Variants in CSMD3 observed in about 807,000 individuals in gnomAD.
CSMD3 encodes CUB and Sushi multiple domains 3.
A neutral mutation model predicts 435.2 loss-of-function variants in CSMD3; 177 were observed. That is an observed-to-expected ratio of 0.41 (90% CI 0.36 to 0.46). The LOEUF (loss-of-function observed/expected upper bound fraction) is 0.46. CSMD3 is among the 20% of genes least tolerant of loss of function. The pLI is 0.34. For missense variants in CSMD3, 4,265 were observed against 4,504.6 expected (o/e 0.95, Z 1.52); for synonymous variants, 1,656 against 1,520.5 (o/e 1.09, Z -2.07).
intron 47 of CSMD3, among the ~76,000 whole-genome samples, chr8:112,315,514 A>T (rs904452928): frequency 5.3e-5 from 8 of 151,840 alleles, no homozygotes; most frequent in African/African-American, 1.7e-4. Context: ...ATGTGGAAAG[A>T]GTATTGGAAT....
At chr8:113,187,570 G>A (rs12675523) in intron 3 of CSMD3, among the ~76,000 whole-genome samples, 18,516 of 151,914 alleles carry the variant, frequency 0.12, 1,962 homozygotes, top group African/African-American at 0.28. Flanking sequence ...CATAAATTTC[G>A]TGTTTCATTT....
At chr8:113,062,608 C>G (rs1032244421) in intron 5 of CSMD3, among the ~76,000 whole-genome samples, 46 of 151,712 alleles carry the variant, frequency 3.0e-4, no homozygotes, top group Non-Finnish European at 5.5e-4. Context: ...CTGCTTATTT[C>G]CAATTCTTCC....
At chr8:112,586,330 A>G (rs1013398640) in intron 23 of CSMD3, among the ~76,000 whole-genome samples, 1 of 151,510 alleles carries the variant, frequency 6.6e-6, no homozygotes, top group African/African-American at 2.4e-5. Context: ...TTTTAAAAAC[A>G]TTTAAATGTG....
chr8:113,053,771 A>G (rs925175359), intron 5 of CSMD3, among the ~76,000 whole-genome samples: 3 of 152,092 alleles, frequency 2.0e-5, no homozygotes, highest in Admixed American at 6.6e-5. Flanking sequence ...CATTTCATGG[A>G]ACTAATGTAT....
chr8:113,136,548 T>C (rs1450768176), intron 4 of CSMD3, among the ~76,000 whole-genome samples: 1 of 151,466 alleles, frequency 6.6e-6, no homozygotes, highest in Non-Finnish European at 1.5e-5. Flanking sequence ...CTAAGTAGGA[T>C]GAAAACAAAA....
intron 32 of CSMD3, among the ~76,000 whole-genome samples, chr8:112,466,122 A>C (rs545662399): frequency 6.6e-6 from 1 of 152,284 alleles, no homozygotes; most frequent in African/African-American, 2.4e-5. Flanking sequence ...AAAGAGTAAT[A>C]ATTGGTTTTA....
chr8:113,101,466 A>C (rs1393080745), intron 4 of CSMD3, among the ~76,000 whole-genome samples: 1 of 152,070 alleles, frequency 6.6e-6, no homozygotes, highest in Non-Finnish European at 1.5e-5. Context: ...TCATTTTAAT[A>C]ATAATAATAT....
At chr8:112,975,758 T>G in intron 7 of CSMD3, 79 bp downstream of exon 7, 3 of 1,606,260 alleles carry the variant, frequency 1.9e-6, no homozygotes, top group Non-Finnish European at 2.5e-6. Context: ...CTCTTTCAGC[T>G]CATTCTCTAA....
chr8:113,302,211 C>G (rs2093774346), intron 2 of CSMD3, among the ~76,000 whole-genome samples: 1 of 125,098 alleles, frequency 8.0e-6, no homozygotes, highest in African/African-American at 3.0e-5. Context: ...TATTTTCTCA[C>G]CTGTATATAT....
chr8:112,583,901 T>A (rs1830518003), intron 23 of CSMD3, among the ~76,000 whole-genome samples: 1 of 151,988 alleles, frequency 6.6e-6, no homozygotes, highest in African/African-American at 2.4e-5. Context: ...ACGGGAATTT[T>A]TATTTCATTT....
intron 5 of CSMD3, among the ~76,000 whole-genome samples, chr8:113,045,095 T>A (rs558126469): frequency 2.3e-4 from 34 of 149,308 alleles, no homozygotes; most frequent in African/African-American, 8.2e-4. Context: ...TCTACATGTA[T>A]TACTATTATT....
At chr8:113,237,137 C>T (rs1462335532) in intron 3 of CSMD3, among the ~76,000 whole-genome samples, 2 of 152,064 alleles carry the variant, frequency 1.3e-5, no homozygotes, top group Admixed American at 1.3e-4. Context: ...CAAATCATTA[C>T]CTAAGAAGTG....
At chr8:112,255,978 T>C (rs1420931754) in intron 61 of CSMD3, 1 of 152,668 alleles carries the variant, frequency 6.6e-6, no homozygotes, top group Non-Finnish European at 1.5e-5. Context: ...TTTAAAGCAT[T>C]TTTTAAAAGA....
chr8:113,358,829 G>T (rs1477998104), intron 1 of CSMD3, among the ~76,000 whole-genome samples: 1 of 151,956 alleles, frequency 6.6e-6, no homozygotes, highest in Non-Finnish European at 1.5e-5. Context: ...AGGCAGTCAA[G>T]CATCAGTGAT....
At chr8:113,132,387 G>T (rs1346811520) in intron 4 of CSMD3, among the ~76,000 whole-genome samples, 2 of 152,122 alleles carry the variant, frequency 1.3e-5, no homozygotes, top group African/African-American at 2.4e-5. Flanking sequence ...GAGGGGCCTG[G>T]TGGGAGATGA....
chr8:112,448,274 C>A (rs1408535582), intron 32 of CSMD3, among the ~76,000 whole-genome samples: 1 of 152,118 alleles, frequency 6.6e-6, no homozygotes, highest in East Asian at 1.9e-4. Flanking sequence ...AGGGCCCCAC[C>A]TTTATGGCCT....
chr8:112,501,262 A>C (rs117745467), intron 30 of CSMD3, among the ~76,000 whole-genome samples: 4,306 of 152,030 alleles, frequency 0.028, 70 homozygotes, highest in African/African-American at 0.033. Flanking sequence ...GGCAATATAC[A>C]CCATAGTTAA....
intron 4 of CSMD3, among the ~76,000 whole-genome samples, chr8:113,117,683 G>A (rs2090873918): frequency 6.6e-6 from 1 of 152,208 alleles, no homozygotes; most frequent in Non-Finnish European, 1.5e-5. Context: ...AGCCAGGAGA[G>A]GTGTTGTACA....
intron 3 of CSMD3, among the ~76,000 whole-genome samples, chr8:113,187,257 C>T (rs968605737): frequency 5.3e-5 from 8 of 151,384 alleles, no homozygotes; most frequent in Admixed American, 1.3e-4. Flanking sequence ...GATGCGAATC[C>T]AGTTTTAGCT....
Sources: gnomAD v4.1 joint callset for allele counts (sites outside exome capture counted in the v4.1 genomes callset) on GRCh38, gnomAD v4.1.1 for gene constraint, MANE v1.5 for transcripts, NCBI Gene and HGNC (gene_info 2026-07-23, HGNC 2026-07-21) for gene names.